The following PCDH9 variants were observed in gnomAD, a reference collection of about 807,000 sequenced individuals.
PCDH9 encodes protocadherin 9, also known as protocadherin-9.
PCDH9 carries 24 observed loss-of-function variants against 70.6 expected under a neutral mutation model. That is an observed-to-expected ratio of 0.34 (90% confidence interval 0.25 to 0.48). The LOEUF (loss-of-function observed/expected upper bound fraction) is 0.48, where lower values mean the gene tolerates loss of function less well. Among genes scored for constraint, PCDH9 ranks in the 20% least tolerant of loss-of-function variants. The probability of loss-of-function intolerance (pLI) is 0.99; values close to 1 mark genes in which losing one functional copy is unlikely to be tolerated. For synonymous variants in PCDH9, 562 were observed against 558.5 expected (o/e 1.01, Z -0.09); for missense variants, 1,281 against 1,503.6 (o/e 0.85, Z 2.45).
intron 2 of PCDH9, chr13:67,209,567 T>G (rs1038829890): frequency 3.9e-5 from 6 of 152,104 alleles, no homozygotes; most frequent in Admixed American, 3.3e-4. Context: ...CTAAACTTGT[T>G]AGAAGATGAA....
At chr13:66,755,149 A>G (rs750043012) in intron 3 of PCDH9, among the ~76,000 whole-genome samples, 2 of 148,796 alleles carry the variant, frequency 1.3e-5, no homozygotes, top group Non-Finnish European at 3.0e-5. Flanking sequence ...AATTTTGCTG[A>G]GCCTAGAGCT....
chr13:66,887,011 A>C (rs1472223950), intron 3 of PCDH9, among the ~76,000 whole-genome samples: 1 of 145,636 alleles, frequency 6.9e-6, no homozygotes, highest in Non-Finnish European at 1.5e-5. Context: ...TCTCTCTCTA[A>C]TTCACCCACC....
chr13:66,327,996 G>A (rs1390408641), intron 4 of PCDH9, among the ~76,000 whole-genome samples: 1 of 152,010 alleles, frequency 6.6e-6, no homozygotes, highest in East Asian at 1.9e-4. Context: ...TAAGCCTTTA[G>A]TTACTTATTA....
intron 3 of PCDH9, among the ~76,000 whole-genome samples, chr13:66,769,364 T>A (rs2079767969): frequency 6.6e-6 from 1 of 152,094 alleles, no homozygotes. Context: ...CAAGTATAGG[T>A]TAAATGCTTG....
At chr13:67,164,404 G>C (rs976347659) in intron 2 of PCDH9, among the ~76,000 whole-genome samples, 1 of 151,638 alleles carries the variant, frequency 6.6e-6, no homozygotes, top group African/African-American at 2.4e-5. Flanking sequence ...ATGAAACCCT[G>C]TCTCTAATAA....
chr13:66,561,406 C>T (rs954865036), intron 4 of PCDH9, among the ~76,000 whole-genome samples: 6 of 152,302 alleles, frequency 3.9e-5, no homozygotes, highest in East Asian at 1.9e-4. Context: ...CTGAGGAGTG[C>T]AGACACAAGG....
chr13:66,689,121 A>T (rs2078446467), intron 3 of PCDH9, among the ~76,000 whole-genome samples: 1 of 152,184 alleles, frequency 6.6e-6, no homozygotes, highest in Admixed American at 6.5e-5. Flanking sequence ...CTATCCTTAT[A>T]AATTCTGCTT....
chr13:66,341,670 G>T (rs1236127697), intron 4 of PCDH9, among the ~76,000 whole-genome samples: 1 of 152,120 alleles, frequency 6.6e-6, no homozygotes, highest in Non-Finnish European at 1.5e-5. Context: ...CAAAACAAAC[G>T]TCTTATATCT....
intron 4 of PCDH9, among the ~76,000 whole-genome samples, chr13:66,321,652 A>G (rs796134518): frequency 4.6e-5 from 7 of 152,096 alleles, no homozygotes; most frequent in African/African-American, 1.7e-4. Flanking sequence ...GTCACTATAG[A>G]TGAGTAGGTC....
chr13:66,775,707 A>C (rs1299456172), intron 3 of PCDH9, among the ~76,000 whole-genome samples: 2 of 152,164 alleles, frequency 1.3e-5, no homozygotes, highest in African/African-American at 4.8e-5. Flanking sequence ...AACGTACACA[A>C]TATGTGTTAA....
At chr13:67,031,971 T>C (rs1459389146) in intron 2 of PCDH9, among the ~76,000 whole-genome samples, 1 of 152,182 alleles carries the variant, frequency 6.6e-6, no homozygotes, top group Non-Finnish European at 1.5e-5. Context: ...AATAATAATT[T>C]TGAAAAAATG....
At chr13:66,731,196 G>A (rs868037461) in intron 3 of PCDH9, among the ~76,000 whole-genome samples, 5 of 151,948 alleles carry the variant, frequency 3.3e-5, no homozygotes, top group African/African-American at 4.8e-5. Flanking sequence ...CATAAATCTC[G>A]ATTAGAGGTT....
At chr13:66,608,806 G>C (rs763465483) in intron 4 of PCDH9, among the ~76,000 whole-genome samples, 1 of 152,026 alleles carries the variant, frequency 6.6e-6, no homozygotes, top group Non-Finnish European at 1.5e-5. Flanking sequence ...TAATATAGCT[G>C]GGAAATATAT....
intron 2 of PCDH9, among the ~76,000 whole-genome samples, chr13:67,102,722 A>G (rs2138244117): frequency 6.6e-6 from 1 of 152,326 alleles, no homozygotes; most frequent in Admixed American, 6.5e-5. Context: ...GAGAAGGATT[A>G]GACCTGAACT....
chr13:66,871,174 T>A (rs2081673195), intron 3 of PCDH9, among the ~76,000 whole-genome samples: 1 of 141,686 alleles, frequency 7.1e-6, no homozygotes, highest in Admixed American at 7.6e-5. Context: ...CACTCATAGG[T>A]GGGAATTGAA....
At chr13:67,067,655 C>A (rs1312826345) in intron 2 of PCDH9, among the ~76,000 whole-genome samples, 3 of 151,090 alleles carry the variant, frequency 2.0e-5, no homozygotes, top group Non-Finnish European at 2.9e-5. Context: ...AACAAAACAA[C>A]AATAAAATAA....
At chr13:66,935,519 A>T (rs953191592) in intron 2 of PCDH9, among the ~76,000 whole-genome samples, 2 of 152,204 alleles carry the variant, frequency 1.3e-5, no homozygotes, top group African/African-American at 4.8e-5. Context: ...AAATAAATTG[A>T]AGAAAATAAG....
At chr13:66,696,219 G>T (rs1255348821) in intron 3 of PCDH9, among the ~76,000 whole-genome samples, 1 of 152,014 alleles carries the variant, frequency 6.6e-6, no homozygotes, top group Admixed American at 6.6e-5. Flanking sequence ...TTCTTAGGCT[G>T]TATCACACTA....
At chr13:67,122,630 T>C (rs990380554) in intron 2 of PCDH9, among the ~76,000 whole-genome samples, 3 of 151,760 alleles carry the variant, frequency 2.0e-5, no homozygotes, top group Non-Finnish European at 4.4e-5. Context: ...AAAAATTAGC[T>C]GGGTGTAGTG....
Sources: gnomAD v4.1 joint callset for allele counts (sites outside exome capture counted in the v4.1 genomes callset) on GRCh38, gnomAD v4.1.1 for gene constraint, MANE v1.5 for transcripts, NCBI Gene and HGNC (gene_info 2026-07-23, HGNC 2026-07-21) for gene names.